Variants in ITGB1 observed in about 807,000 individuals in gnomAD.
The protein encoded by ITGB1 is integrin subunit beta 1.
A neutral mutation model predicts 86.5 loss-of-function variants in ITGB1; 24 were observed. The ratio of observed to expected loss-of-function variants is 0.28; its 90% CI spans 0.20 to 0.39. The LOEUF (loss-of-function observed/expected upper bound fraction) is 0.39. Ranked by LOEUF, ITGB1 falls within the 10% of genes least tolerant of loss-of-function variation. ITGB1 has a pLI of 1.00. For synonymous variants in ITGB1, 323 were observed against 316.8 expected (o/e 1.02, Z -0.21); for missense variants, 556 against 946.9 (o/e 0.59, Z 5.42).
intron 1 of ITGB1, among the ~76,000 whole-genome samples, chr10:32,950,396 T>C (rs12258174): frequency 0.13 from 19,941 of 152,098 alleles, 2,176 homozygotes; most frequent in African/African-American, 0.3. Context: ...GTTCCTCCCA[T>C]GGAAAGGGAA....
At chr10:32,948,998 A>G (rs1330302810) in intron 1 of ITGB1, among the ~76,000 whole-genome samples, 1 of 151,998 alleles carries the variant, frequency 6.6e-6, no homozygotes, top group African/African-American at 2.4e-5. Context: ...TGACTTCTCA[A>G]TTGAGAGGGC....
intron 15 of ITGB1, among the ~76,000 whole-genome samples, chr10:32,904,566 C>A (rs1361794090): frequency 1.3e-5 from 2 of 152,182 alleles, no homozygotes; most frequent in Non-Finnish European, 2.9e-5. Flanking sequence ...TGGTAGTCTT[C>A]TGCCAAAGTA....
intron 15 of ITGB1, chr10:32,906,946 T>A: frequency 2.0e-6 from 1 of 493,806 alleles, no homozygotes; most frequent in Non-Finnish European, 3.8e-6. Context: ...AAAGCCACAA[T>A]AGCGATATTT....
At chr10:32,903,351 C>CAAAAA (rs35559257) in intron 15 of ITGB1, among the ~76,000 whole-genome samples, 3,854 of 56,752 alleles carry the variant, frequency 0.068, 339 homozygotes, top group Non-Finnish European at 0.096. Flanking sequence ...GACTCCATCT[C>CAAAAA]AAAAAAAAAA....
At chr10:32,905,904 G>T (rs1168106100) in intron 15 of ITGB1, among the ~76,000 whole-genome samples, 1 of 152,174 alleles carries the variant, frequency 6.6e-6, no homozygotes, top group Non-Finnish European at 1.5e-5. Flanking sequence ...CCAGTCAGGA[G>T]AATTTAGTTC....
chr10:32,942,510 G>A (rs1282692148), intron 1 of ITGB1, among the ~76,000 whole-genome samples: 3 of 152,050 alleles, frequency 2.0e-5, no homozygotes, highest in Non-Finnish European at 4.4e-5. Context: ...ATAGGGCCTG[G>A]GTGTATCTTA....
intron 11 of ITGB1, among the ~76,000 whole-genome samples, chr10:32,916,635 G>A (rs559737085): frequency 7.8e-4 from 119 of 152,184 alleles, no homozygotes; most frequent in African/African-American, 2.7e-3. Context: ...AACCTACAAG[G>A]GATGTGAAGG....
At chr10:32,945,344 A>C (rs1280897831) in intron 1 of ITGB1, among the ~76,000 whole-genome samples, 1 of 152,184 alleles carries the variant, frequency 6.6e-6, no homozygotes, top group East Asian at 1.9e-4. Flanking sequence ...TCATGCCTGT[A>C]ATCCCAGCAC....
chr10:32,947,432 C>CGTGTGTGTGT (rs1186872641), intron 1 of ITGB1, among the ~76,000 whole-genome samples: 12,223 of 137,222 alleles, frequency 0.089, 730 homozygotes, highest in African/African-American at 0.11. Flanking sequence ...CACATATAGC[C>CGTGTGTGTGT]GTGTGTGTGT....
rs749312525 is a variant in ITGB1 at position 32,920,001 on chromosome 10, C to A, written c.1353G>T (p.Thr451=). ...ACTGAAGAATAACCTCTACTTCCTC[C>A]GTAAAGCCCAGAGGCCTAATTTTAA... ...DSFKIRPLGF[T]EEVEVILQYI... Residue 451 remains threonine, a synonymous_variant, in exon 11 of 16, where the codon ACG becomes ACT. Transcript: ENST00000302278. 6.2e-7 allele frequency: 1 copy of A among 1,613,812 alleles called. No homozygotes were observed. The highest frequency in any genetic ancestry group is 8.5e-7 in the Non-Finnish European group (1 of 1,179,766).
intron 1 of ITGB1, among the ~76,000 whole-genome samples, chr10:32,950,883 G>C (rs1024745351): frequency 3.9e-5 from 6 of 152,156 alleles, no homozygotes; most frequent in African/African-American, 1.4e-4. Context: ...TTATACAACA[G>C]ATTGAAGATA....
In ITGB1 at chr10:32,911,992, T is replaced by G. The variant is rs1408702086; in HGVS notation, c.1602A>C (p.Gly534=). 1.9e-6 allele frequency: 3 copies of G among 1,614,152 alleles called. No individual in the cohort carries two copies. Among genetic ancestry groups the G allele is most frequent in the Non-Finnish European group, 2.5e-6 (3 of 1,180,000 alleles). Residue 534 remains glycine, a synonymous_variant, in exon 12 of 16, where the codon GGA becomes GGC. Transcript: ENST00000302278. ...ICSNNGECVC[G]QCVCRKRDNT... is the part of the protein sequence containing the mutation. ...TATCCCTCTTCCTACAAACACACTG[T>G]CCGCAGACGCACTCTCCATTGTTAC...
intron 3 of ITGB1, among the ~76,000 whole-genome samples, chr10:32,931,910 T>C (rs1167611753): frequency 1.3e-5 from 2 of 152,144 alleles, no homozygotes; most frequent in African/African-American, 4.8e-5. Flanking sequence ...TTGTGGAAGG[T>C]ACCATATTAG....
intron 5 of ITGB1, among the ~76,000 whole-genome samples, chr10:32,926,916 T>C (rs1248759033): frequency 1.3e-5 from 2 of 150,052 alleles, no homozygotes; most frequent in African/African-American, 2.4e-5. Flanking sequence ...CTGTGAGAAA[T>C]AAATTTCTGT....
intron 6 of ITGB1, 57 bp downstream of exon 6, chr10:32,925,814 T>A: frequency 9.4e-7 from 1 of 1,060,812 alleles, no homozygotes; most frequent in Non-Finnish European, 1.4e-6. Context: ...AAATCACACT[T>A]AAAATTCACA....
Position 32,910,333 on chromosome 10 carries a change from G to A in ITGB1, c.2054C>T (p.Pro685Leu). 4 of 1,600,448 alleles carry A rather than the reference G, an allele frequency of 2.5e-6. No homozygotes were observed. Among genetic ancestry groups the A allele is most frequent in the Non-Finnish European group, 3.4e-6 (4 of 1,167,746 alleles). ...SRDKLPQPVQ[P>L]DPVSHCKEKD... is the part of the protein sequence containing the mutation. ...CTCCTTACAATGGGACACAGGATCA[G>A]GTTGGACCGGCTGGGGTAATTTGTC... Residue 685 changes from proline (P) to leucine (L), a missense_variant, in exon 14 of 16, where the codon CCT (proline) becomes CTT (leucine). Transcript: ENST00000302278.
intron 8 of ITGB1, 103 bp downstream of exon 8, chr10:32,922,537 T>C (rs776251374): frequency 7.4e-6 from 6 of 805,726 alleles, no homozygotes; most frequent in Non-Finnish European, 1.2e-5. Context: ...TAAAATTCGG[T>C]TTGCCTATCT....
At chr10:32,937,080 T>C (rs2095004396) in intron 1 of ITGB1, among the ~76,000 whole-genome samples, 1 of 152,142 alleles carries the variant, frequency 6.6e-6, no homozygotes, top group Admixed American at 6.5e-5. Flanking sequence ...CTACTGGGAA[T>C]TTACCCTAAG....
intron 11 of ITGB1, among the ~76,000 whole-genome samples, chr10:32,913,878 GT>G: frequency 6.6e-6 from 1 of 152,278 alleles, no homozygotes. Flanking sequence ...ATTCACCAAA[GT>G]TGAAATGAAG....
Sources: allele counts gnomAD v4.1 joint callset (sites outside exome capture counted in the v4.1 genomes callset), GRCh38; gene constraint gnomAD v4.1.1; transcripts MANE v1.5; gene names NCBI Gene and HGNC (gene_info 2026-07-23, HGNC 2026-07-21).